TENT4A: variants seen among roughly 807,000 people sequenced by gnomAD.
The protein encoded by TENT4A is DNA polymerase kappa.
A neutral mutation model predicts 72.8 loss-of-function variants in TENT4A; 7 were observed. The observed-to-expected ratio is 0.10, with a 90% CI of 0.05 to 0.18. The LOEUF is 0.18. Among genes scored for constraint, TENT4A ranks in the 10% least tolerant of loss-of-function variants. The pLI is 1.00. For synonymous variants in TENT4A, 456 were observed against 434.3 expected, an observed-to-expected ratio of 1.05 and a Z score of -0.62; for missense variants, 831 against 1,017.7, an observed-to-expected ratio of 0.82 and a Z score of 2.50.
chr5:6,715,683 T>G (rs1175124071), intron 1 of TENT4A, among the ~76,000 whole-genome samples: 1 of 152,110 alleles, frequency 6.6e-6, no homozygotes, highest in Admixed American at 6.5e-5. Flanking sequence ...GTGTTGGGAG[T>G]TCTTATAGTA....
At chr5:6,751,308 T>A in intron 11 of TENT4A, 111 bp downstream of exon 11, 1 of 1,195,774 alleles carries the variant, frequency 8.4e-7, no homozygotes, top group South Asian at 1.3e-5. Context: ...AGTAACTTTT[T>A]GAGTATTTGG....
rs1480754992 is a variant in TENT4A at position 6,714,385 on chromosome 5, C to T, written c.402C>T (p.Ser134=). 2.6e-6 allele frequency: 3 copies of T among 1,134,178 alleles called. No homozygotes were observed. The highest frequency in any genetic ancestry group is 3.2e-6 in the Non-Finnish European group (3 of 926,664). The allele number at this position is 1,134,178 out of a possible 1,614,324, so 70.3% of individuals were successfully genotyped here. ...ESPGCSSSSS[S]SASLGRPGGG... ...CCGGCTGCTCGTCGTCGTCCTCCAG[C>T]AGCGCCTCGCTGGGCCGGCCGGGCG... Residue 134 remains serine (S), a synonymous_variant, in exon 1 of 13, where the codon AGC becomes AGT. Transcript: ENST00000230859.
Position 6,748,546 on chromosome 5 carries a change from T to C in TENT4A, c.1542T>C (p.Ala514=), listed in dbSNP as rs274681. 1,098,973 of 1,613,304 alleles carry C rather than the reference T, an allele frequency of 0.68. 377,726 individuals carry two copies. The highest frequency in any genetic ancestry group is 0.71 in the Non-Finnish European group (832,687 of 1,179,530). Residue 514 remains alanine, a synonymous_variant, in exon 8 of 13, where the codon GCT becomes GCC. Transcript: ENST00000230859. The part of the protein sequence containing the change: ...FDYAYIVLSH[A]VSPLARSYPN... The stretch of plus-strand genomic sequence containing the variant: ...ATGCCTACATAGTGCTCAGCCATGC[T>C]GTGTCACCGCTGGCCAGGTCCTATC...
At chr5:6,723,946 C>A (rs1740779915) in intron 1 of TENT4A, among the ~76,000 whole-genome samples, 1 of 152,184 alleles carries the variant, frequency 6.6e-6, no homozygotes, top group Non-Finnish European at 1.5e-5. Flanking sequence ...AAGAGTGGAG[C>A]ATCTGATGAG....
At chr5:6,716,679 C>T (rs891844678) in intron 1 of TENT4A, among the ~76,000 whole-genome samples, 2 of 152,224 alleles carry the variant, frequency 1.3e-5, no homozygotes. Context: ...GCAACACCTC[C>T]AGGGCTCTGC....
intron 4 of TENT4A, among the ~76,000 whole-genome samples, chr5:6,740,860 T>C (rs1434033018): frequency 6.6e-6 from 1 of 152,236 alleles, no homozygotes; most frequent in African/African-American, 2.4e-5. Context: ...ACGGGCCTTA[T>C]TGCACTTAGC....
intron 2 of TENT4A, 32 bp downstream of exon 2, chr5:6,737,665 C>T (rs781084776): frequency 9.4e-6 from 15 of 1,601,684 alleles, no homozygotes; most frequent in African/African-American, 6.8e-5. Context: ...CTGTGTCGCA[C>T]GTCACGTGCG....
intron 5 of TENT4A, 49 bp from the exon 6 acceptor site, chr5:6,743,663 T>C (rs753371145): frequency 1.4e-6 from 2 of 1,443,426 alleles, no homozygotes; most frequent in Non-Finnish European, 1.9e-6. Flanking sequence ...GAAATCTCTT[T>C]GAAAGTATGG....
chr5:6,739,060 T>C (rs964633749), intron 3 of TENT4A, among the ~76,000 whole-genome samples: 3 of 152,184 alleles, frequency 2.0e-5, no homozygotes, highest in African/African-American at 7.2e-5. Flanking sequence ...GTTTGAAAAA[T>C]TGATCTTATG....
chr5:6,734,574 TTTCCATTCTA>T (rs1170848136), intron 1 of TENT4A, among the ~76,000 whole-genome samples: 2 of 152,270 alleles, frequency 1.3e-5, no homozygotes, highest in Non-Finnish European at 2.9e-5. Context: ...CCCCCGGCAG[TTTCCATTCTA>T]TTCTGAGAAG....
intron 1 of TENT4A, among the ~76,000 whole-genome samples, chr5:6,733,690 T>C (rs1388803431): frequency 7.1e-6 from 1 of 140,730 alleles, no homozygotes; most frequent in Non-Finnish European, 1.6e-5. Context: ...AAACTTTTCA[T>C]TGATGTACTT....
chr5:6,714,577 C>T lies in TENT4A; in HGVS notation c.594C>T (p.Gly198=), dbSNP rs2126587003. 1 of 1,198,876 alleles carries T rather than the reference C, an allele frequency of 8.3e-7. No homozygotes were observed. Among genetic ancestry groups the T allele is most frequent in the Non-Finnish European group, 1.0e-6 (1 of 966,662 alleles). 74.3% of individuals were successfully genotyped at this position (1,198,876 alleles called of 1,614,324 possible). The stretch of plus-strand genomic sequence containing the variant: ...GCGAGAACAAGGCCAGCACCTACGG[C>T]CTCAACTACCTGCTGTCCGGCAGCC... ...RKRENKASTY[G]LNYLLSGSRA... is the part of the protein sequence containing the mutation. The change falls in exon 1 of 13, where the codon GGC becomes GGT. Residue 198 remains glycine (G), a synonymous_variant. Coordinates refer to ENST00000230859, the MANE Select transcript of TENT4A (RefSeq NM_006999.6).
chr5:6,725,676 T>A (rs990031480), intron 1 of TENT4A, among the ~76,000 whole-genome samples: 4 of 152,330 alleles, frequency 2.6e-5, no homozygotes, highest in African/African-American at 9.6e-5. Context: ...GTAAAACTGA[T>A]CCGTGGTTTG....
At chr5:6,720,896 A>G (rs538611854) in intron 1 of TENT4A, among the ~76,000 whole-genome samples, 2 of 152,146 alleles carry the variant, frequency 1.3e-5, no homozygotes, top group East Asian at 1.9e-4. Flanking sequence ...ATAGCAGTCT[A>G]TCTTTGCTTT....
chr5:6,730,097 C>CTT (rs1741130067), intron 1 of TENT4A, among the ~76,000 whole-genome samples: 1 of 29,126 alleles, frequency 3.4e-5, no homozygotes, highest in Non-Finnish European at 1.1e-4. Flanking sequence ...GTTTCTCCGC[C>CTT]CCCCCCCGGA....
At chr5:6,722,107 C>T (rs776897352) in intron 1 of TENT4A, among the ~76,000 whole-genome samples, 1 of 152,210 alleles carries the variant, frequency 6.6e-6, no homozygotes, top group Non-Finnish European at 1.5e-5. Flanking sequence ...CTAGCTCCAT[C>T]AGCCCATGTC....
In TENT4A at chr5:6,750,439, G is replaced by T. The variant is rs767348305; in HGVS notation, c.1796G>T (p.Ser599Ile). Residue 599 changes from serine to isoleucine, a missense_variant, in exon 10 of 13, where the codon AGC becomes ATC. By Grantham distance (142) the Ser-to-Ile change is moderately radical (BLOSUM62 -2). Coordinates refer to ENST00000230859, the MANE Select transcript of TENT4A (RefSeq NM_006999.6). The part of the protein sequence containing the change: ...YGQRLTLSLS[S>I]PQLLSSGSSA... ...CAGCGCTTGACTTTGTCGCTGTCCAGCCCCCAGCTCCTGTCTTCAGGCTCC... is the reference window on the plus strand; with the variant it reads ...CAGCGCTTGACTTTGTCGCTGTCCATCCCCCAGCTCCTGTCTTCAGGCTCC... 4 of 1,612,314 alleles carry T rather than the reference G, an allele frequency of 2.5e-6. No homozygotes were observed. The highest frequency in any genetic ancestry group is 3.4e-6 in the Non-Finnish European group (4 of 1,179,160).
intron 5 of TENT4A, 75 bp from the exon 6 acceptor site, chr5:6,743,637 G>T: frequency 8.3e-7 from 1 of 1,199,396 alleles, no homozygotes. Flanking sequence ...TTTCTGTCTT[G>T]TGTGATTTGC....
At chr5:6,724,680 T>C (rs1484293187) in intron 1 of TENT4A, among the ~76,000 whole-genome samples, 1 of 152,158 alleles carries the variant, frequency 6.6e-6, no homozygotes, top group Non-Finnish European at 1.5e-5. Context: ...TAGGATTGGT[T>C]TTAGAATAAA....
Sources: gnomAD v4.1 joint callset for allele counts (sites outside exome capture counted in the v4.1 genomes callset) on GRCh38, gnomAD v4.1.1 for gene constraint, MANE v1.5 for transcripts, NCBI Gene and HGNC (gene_info 2026-07-23, HGNC 2026-07-21) for gene names.